The following SEC23A variants were observed in gnomAD, a reference collection of about 807,000 sequenced individuals.
SEC23A encodes protein transport protein Sec23A.
A neutral mutation model predicts 103.7 loss-of-function variants in SEC23A; 56 were observed. The observed-to-expected ratio is 0.54, with a 90% CI of 0.44 to 0.67. SEC23A has a LOEUF of 0.67. Ranked by LOEUF, SEC23A falls within the 30% of genes least tolerant of loss-of-function variation. The probability of loss-of-function intolerance (pLI) is 0.00; values close to 1 mark genes in which losing one functional copy is unlikely to be tolerated. For synonymous variants in SEC23A, 281 were observed against 293.0 expected (o/e 0.96, Z 0.42); for missense variants, 784 against 936.4 (o/e 0.84, Z 2.12).
chr14:39,049,855 C>A (rs573742209), intron 14 of SEC23A, among the ~76,000 whole-genome samples: 1 of 151,290 alleles, frequency 6.6e-6, no homozygotes, highest in African/African-American at 2.4e-5. Context: ...TGCAGTGGCG[C>A]GATCTCGGTT....
intron 16 of SEC23A, among the ~76,000 whole-genome samples, chr14:39,044,422 A>G (rs1885759935): frequency 6.6e-6 from 1 of 152,168 alleles, no homozygotes; most frequent in Non-Finnish European, 1.5e-5. Flanking sequence ...TTACAAAAAA[A>G]TCATTGTAAC....
intron 12 of SEC23A, 57 bp downstream of exon 12, chr14:39,063,267 A>C: frequency 1.0e-6 from 1 of 1,004,014 alleles, no homozygotes; most frequent in Non-Finnish European, 1.6e-6. Flanking sequence ...GGCCTAAAGT[A>C]AGTACTTATT....
chr14:39,057,427 A>T (rs1486579229), intron 13 of SEC23A, among the ~76,000 whole-genome samples: 5 of 152,200 alleles, frequency 3.3e-5, no homozygotes, highest in African/African-American at 1.2e-4. Context: ...TCATGGTTCA[A>T]GTGGCACAAT....
chr14:39,056,033 T>C (rs764665375), intron 13 of SEC23A, among the ~76,000 whole-genome samples: 43 of 152,222 alleles, frequency 2.8e-4, no homozygotes, highest in African/African-American at 6.3e-4. Context: ...CTGGGCCACA[T>C]AGCAGGAGTC....
chr14:39,075,622 G>A (rs1886985873), intron 8 of SEC23A, among the ~76,000 whole-genome samples: 1 of 152,086 alleles, frequency 6.6e-6, no homozygotes, highest in Non-Finnish European at 1.5e-5. Context: ...ACTGAAAAAT[G>A]TAAAAACAAC....
intron 1 of SEC23A, among the ~76,000 whole-genome samples, chr14:39,097,713 C>T (rs1172071380): frequency 2.0e-5 from 3 of 152,086 alleles, no homozygotes; most frequent in South Asian, 2.1e-4. Context: ...GAAAATCTTA[C>T]GCTAATCAAA....
chr14:39,092,673 G>A, intron 3 of SEC23A, 46 bp from the exon 4 acceptor site: 2 of 1,081,966 alleles, frequency 1.8e-6, no homozygotes, highest in East Asian at 2.5e-5. Flanking sequence ...TTATAGGCTA[G>A]AAAGATTAAT....
intron 17 of SEC23A, 68 bp from the exon 18 acceptor site, chr14:39,040,955 C>T: frequency 6.6e-7 from 1 of 1,518,228 alleles, no homozygotes; most frequent in Non-Finnish European, 8.8e-7. Context: ...GAGATTTTTC[C>T]AAAGAAAATA....
At chr14:39,060,393 CAA>C (rs1886435521) in intron 13 of SEC23A, among the ~76,000 whole-genome samples, 1 of 152,112 alleles carries the variant, frequency 6.6e-6, no homozygotes, top group Non-Finnish European at 1.5e-5. Context: ...CATCACTCAA[CAA>C]AAGTCTTAAG....
chr14:39,094,292 G>A (rs1434911281), intron 2 of SEC23A, among the ~76,000 whole-genome samples: 3 of 75,028 alleles, frequency 4.0e-5, no homozygotes, highest in Admixed American at 1.5e-4. Flanking sequence ...ACATATATAT[G>A]CATATATACA....
chr14:39,062,468 C>T (rs1371362487), intron 12 of SEC23A, among the ~76,000 whole-genome samples: 2 of 152,022 alleles, frequency 1.3e-5, no homozygotes, highest in Non-Finnish European at 2.9e-5. Context: ...GAGCTAAGTC[C>T]TCCTCCCCTA....
Position 39,076,016 on chromosome 14 carries a change from A to C in SEC23A, c.906T>G (p.Val302=). Residue 302 remains valine (V), a synonymous_variant, in exon 8 of 20, where the codon GTT becomes GTG. Coordinates refer to ENST00000307712, the MANE Select transcript of SEC23A (RefSeq NM_006364.4). Reference sequence around the variant, plus strand: ...TTATAGGTGTCTTCAACTCATCTCCAACCACCATTCCAGGCCCCTGAGTAG... The same window carrying C: ...TTATAGGTGTCTTCAACTCATCTCCCACCACCATTCCAGGCCCCTGAGTAG... ...GPATQGPGMV[V]GDELKTPIRS... is the part of the protein sequence containing the mutation. 4 of 1,613,942 alleles carry C rather than the reference A, an allele frequency of 2.5e-6. No individual in the cohort carries two copies. Among genetic ancestry groups the C allele is most frequent in the Non-Finnish European group, 2.5e-6 (3 of 1,179,902 alleles).
intron 7 of SEC23A, among the ~76,000 whole-genome samples, chr14:39,076,431 AT>A (rs766282291): frequency 0.021 from 2,852 of 134,530 alleles, 73 homozygotes; most frequent in African/African-American, 0.065. Flanking sequence ...TGGGTTTTTA[AT>A]TTTTTTTTTT....
chr14:39,040,149 A>G (rs1427537344), intron 18 of SEC23A: 1 of 152,328 alleles, frequency 6.6e-6, no homozygotes, highest in African/African-American at 2.4e-5. Flanking sequence ...GAAGTATTTT[A>G]TGAGAGTATG....
intron 14 of SEC23A, among the ~76,000 whole-genome samples, chr14:39,051,008 ACTG>A (rs929364372): frequency 1.3e-5 from 2 of 152,226 alleles, no homozygotes; most frequent in Non-Finnish European, 2.9e-5. Flanking sequence ...TGACAACTTC[ACTG>A]CTGAATTTTT....
Position 39,033,192 on chromosome 14 carries a change from T to C in SEC23A, c.*47A>G. The C allele has an allele frequency of 1.5e-6, 2 of 1,373,962 alleles. No individual in the cohort carries two copies. Among genetic ancestry groups the C allele is most frequent in the Non-Finnish European group, 2.1e-6 (2 of 961,620 alleles). The allele number at this position is 1,373,962 out of a possible 1,614,324, so 85.1% of individuals were successfully genotyped here. ...AAATGGAAAAAGGAAAAAATGAAAT[T>C]TGAATATTATTTCATCTTCTTAAGT... On this transcript the variant is annotated 3_prime_UTR_variant, in exon 20 of 20. Coordinates refer to ENST00000307712, the MANE Select transcript of SEC23A (RefSeq NM_006364.4).
At chr14:39,091,004 C>T (rs573533931) in intron 5 of SEC23A, 7 of 373,586 alleles carry the variant, frequency 1.9e-5, no homozygotes, top group African/African-American at 1.5e-4. Context: ...CCTGCCCCCA[C>T]CACCACTGCT....
chr14:39,093,132 G>A (rs376145754), intron 3 of SEC23A, 55 bp downstream of exon 3: 10 of 1,450,868 alleles, frequency 6.9e-6, no homozygotes, highest in Non-Finnish European at 8.7e-6. Context: ...CTCCCAAAGT[G>A]CTGGGATTAC....
At chr14:39,073,101 T>A (rs988391864) in intron 9 of SEC23A, among the ~76,000 whole-genome samples, 6 of 152,238 alleles carry the variant, frequency 3.9e-5, no homozygotes, top group African/African-American at 1.4e-4. Context: ...GTTCATTAAC[T>A]GATGGATTCC....
Sources: gnomAD v4.1 joint callset for allele counts (sites outside exome capture counted in the v4.1 genomes callset) on GRCh38, gnomAD v4.1.1 for gene constraint, MANE v1.5 for transcripts, NCBI Gene and HGNC (gene_info 2026-07-23, HGNC 2026-07-21) for gene names.